GRB2: variants seen among roughly 807,000 people sequenced by gnomAD.
GRB2 encodes the protein growth factor receptor-bound protein 2.
In GRB2, 2 loss-of-function variants were observed where a neutral mutation model predicts 27.4. That is an observed-to-expected ratio of 0.07 (90% CI 0.03 to 0.23). GRB2 has a LOEUF of 0.23. Among genes scored for constraint, GRB2 ranks in the 10% least tolerant of loss-of-function variants. GRB2 has a pLI of 1.00. For missense variants in GRB2, 102 were observed against 282.4 expected, an observed-to-expected ratio of 0.36 and a Z score of 4.58; for synonymous variants, 94 against 99.6, an observed-to-expected ratio of 0.94 and a Z score of 0.33.
At chr17:75,388,383 G>A (rs1384435176) in intron 2 of GRB2, among the ~76,000 whole-genome samples, 2 of 152,052 alleles carry the variant, frequency 1.3e-5, no homozygotes, top group African/African-American at 4.8e-5. Flanking sequence ...GGATTCAGGC[G>A]TGAGCCACCA....
In GRB2 at chr17:75,321,782, G is replaced by A. The variant is rs375548933; in HGVS notation, c.345C>T (p.Ala115=). 5.9e-5 allele frequency: 96 copies of A among 1,613,864 alleles called. No homozygotes were observed. The highest frequency in any genetic ancestry group is 1.3e-4 in the East Asian group (6 of 44,894). ...VQHFKVLRDG[A]GKYFLWVVKF... The stretch of plus-strand genomic sequence containing the variant: ...TCACCACCCAGAGGAAGTACTTCCC[G>A]GCTCCATCTCGGAGCACCTTGAAGT... The change falls in exon 5 of 6, where the codon GCC becomes GCT. Residue 115 remains alanine (A), a synonymous_variant. Transcript: ENST00000316804.
chr17:75,377,027 A>G (rs928964360), intron 2 of GRB2, among the ~76,000 whole-genome samples: 4 of 151,418 alleles, frequency 2.6e-5, no homozygotes, highest in Non-Finnish European at 5.9e-5. Context: ...ATAAAGACAG[A>G]CCTTCATAGC....
intron 1 of GRB2, among the ~76,000 whole-genome samples, chr17:75,399,809 AT>A (rs2079052853): frequency 6.6e-6 from 1 of 151,544 alleles, no homozygotes; most frequent in Non-Finnish European, 1.5e-5. Context: ...GGCTGGGACT[AT>A]AGGTGCCCAC....
rs565068245 is a variant in GRB2, at chr17:75,367,890, G to A, written c.78+25661C>T. 3.4e-5 allele frequency among the ~76,000 whole-genome samples: 5 copies of A among 149,070 alleles called. No individual in the cohort carries two copies. In the South Asian group the frequency reaches 1.1e-3, roughly 32 times the overall value. ...TCTTTAGATTTTTTTCGTTGTTTTG[G>A]TTTTTTTTTTGAGATGGAGTCTCAC... On this transcript the variant is annotated intron_variant, in intron 2 of 5. Coordinates refer to ENST00000316804, the MANE Select transcript of GRB2 (RefSeq NM_002086.5).
At chr17:75,343,800 T>A (rs941980592) in intron 2 of GRB2, among the ~76,000 whole-genome samples, 2 of 152,144 alleles carry the variant, frequency 1.3e-5, no homozygotes, top group Non-Finnish European at 2.9e-5. Flanking sequence ...GCTCTTGGAA[T>A]GTCAGAATTT....
intron 2 of GRB2, among the ~76,000 whole-genome samples, chr17:75,351,003 A>G (rs554262004): frequency 6.6e-6 from 1 of 152,176 alleles, no homozygotes; most frequent in East Asian, 1.9e-4. Flanking sequence ...CAGAATAAGG[A>G]CTTGGGGAAT....
intron 2 of GRB2, among the ~76,000 whole-genome samples, chr17:75,342,281 T>C (rs115286125): frequency 2.2e-4 from 34 of 152,314 alleles, no homozygotes; most frequent in African/African-American, 7.9e-4. Context: ...CCATACCCAG[T>C]TCTCATTTGT....
rs1384101134 is a variant in GRB2 at position 75,318,756 on chromosome 17, T to G, written c.*1612A>C. 6.6e-6 allele frequency: 1 copy of G among 152,244 alleles called. No individual in the cohort carries two copies. The highest frequency in any genetic ancestry group is 1.9e-4 in the East Asian group (1 of 5,186). The allele number at this position is 152,244 out of a possible 1,614,324, so 9.4% of individuals were successfully genotyped here. On this transcript the variant is annotated 3_prime_UTR_variant, in exon 6 of 6. Coordinates refer to ENST00000316804, the MANE Select transcript of GRB2 (RefSeq NM_002086.5). ...TCCCAGTGCTGCCCTCACACTCACCTGGACAGGTCAGGGGACACAGGATGA... is the reference window on the plus strand; with the variant it reads ...TCCCAGTGCTGCCCTCACACTCACCGGGACAGGTCAGGGGACACAGGATGA...
intron 2 of GRB2, among the ~76,000 whole-genome samples, chr17:75,352,905 G>A (rs2078701942): frequency 6.7e-6 from 1 of 150,346 alleles, no homozygotes; most frequent in Non-Finnish European, 1.5e-5. Flanking sequence ...GACATAGTTG[G>A]CCAGGCACAG....
rs1598214077 is a variant in GRB2, at chr17:75,320,283, C to T, written c.*85G>A. The T allele has an allele frequency of 5.9e-6, 7 of 1,195,128 alleles. No homozygotes were observed. Among genetic ancestry groups the T allele is most frequent in the Non-Finnish European group, 6.2e-6 (5 of 810,970 alleles). 74.0% of individuals were successfully genotyped at this position (1,195,128 alleles called of 1,614,324 possible). A position where few individuals can be genotyped will look rare whatever the true frequency, so the allele number is the denominator to read the frequency against. ...CAGGTGTTCTGCACTCCCTCACAGG[C>T]TGCTGTCAGAGGCAGCTTGTGGGTT... On this transcript the variant is annotated 3_prime_UTR_variant, in exon 6 of 6. Coordinates refer to ENST00000316804, the MANE Select transcript of GRB2 (RefSeq NM_002086.5). The surrounding 1 kb of genome is among the most constrained non-coding windows in gnomAD (Gnocchi z 4.3).
chr17:75,330,486 C>G (rs1404735957), intron 3 of GRB2, among the ~76,000 whole-genome samples: 2 of 152,042 alleles, frequency 1.3e-5, no homozygotes, highest in African/African-American at 4.8e-5. Flanking sequence ...TCAGCTTGGC[C>G]AACACAGTGA....
chr17:75,382,121 G>C (rs1287932133), intron 2 of GRB2, among the ~76,000 whole-genome samples: 1 of 151,948 alleles, frequency 6.6e-6, no homozygotes, highest in Non-Finnish European at 1.5e-5. Context: ...TATTTGGAAG[G>C]CTGAGGCAGA....
intron 2 of GRB2, among the ~76,000 whole-genome samples, chr17:75,361,484 G>A (rs1223607338): frequency 6.6e-6 from 1 of 152,062 alleles, no homozygotes; most frequent in East Asian, 1.9e-4. Context: ...AAATCCTATC[G>A]TCTCCTTACC....
chr17:75,401,705 T>G (rs1022624098), intron 1 of GRB2, among the ~76,000 whole-genome samples: 2 of 152,236 alleles, frequency 1.3e-5, no homozygotes, highest in African/African-American at 4.8e-5. Flanking sequence ...TAATCCCTAG[T>G]ATCCCTTAAC....
intron 2 of GRB2, among the ~76,000 whole-genome samples, chr17:75,368,705 C>G (rs1364327490): frequency 6.6e-6 from 1 of 151,796 alleles, no homozygotes; most frequent in Non-Finnish European, 1.5e-5. Flanking sequence ...CAACCATGCC[C>G]GGCTCATTTT....
intron 3 of GRB2, among the ~76,000 whole-genome samples, chr17:75,330,436 T>TA (rs1189532853): frequency 6.6e-6 from 1 of 150,386 alleles, no homozygotes; most frequent in Admixed American, 6.6e-5. Context: ...TGCGGTGGCT[T>TA]ACACCTGTAA....
intron 2 of GRB2, among the ~76,000 whole-genome samples, chr17:75,382,858 G>A (rs2078938160): frequency 6.6e-6 from 1 of 152,088 alleles, no homozygotes; most frequent in Admixed American, 6.6e-5. Context: ...ACAGGCGCCT[G>A]CCACCACGCC....
At chr17:75,329,423 A>G (rs2078524217) in intron 3 of GRB2, among the ~76,000 whole-genome samples, 2 of 152,168 alleles carry the variant, frequency 1.3e-5, no homozygotes, top group Admixed American at 1.3e-4. Context: ...TGTCACATAG[A>G]CATGGCTGCT....
In GRB2 at chr17:75,393,739, C is replaced by T. The variant is rs2079013007; in HGVS notation, c.-111G>A. The T allele has an allele frequency of 1.8e-5, 14 of 799,268 alleles. No individual in the cohort carries two copies. The South Asian group carries it at 2.1e-4, about 12-fold the overall frequency. The allele number at this position is 799,268 out of a possible 1,614,324, so 49.5% of individuals were successfully genotyped here. ...CTCGCCTCTCTTCTGGGACTCGCTC[C>T]GGCACTCTGGGACACACAATGCCAC... On this transcript the variant is annotated 5_prime_UTR_variant, in exon 2 of 6. Coordinates refer to ENST00000316804, the MANE Select transcript of GRB2 (RefSeq NM_002086.5).
Sources: allele counts gnomAD v4.1 joint callset (sites outside exome capture counted in the v4.1 genomes callset), GRCh38; gene constraint gnomAD v4.1.1; non-coding constraint Gnocchi (gnomAD v3.1); transcripts MANE v1.5; gene names NCBI Gene and HGNC (gene_info 2026-07-23, HGNC 2026-07-21).